ICA1: variants seen among roughly 807,000 people sequenced by gnomAD.
The protein encoded by ICA1 is islet cell autoantigen 1.
ICA1 carries 40 observed loss-of-function variants against 71.0 expected under a neutral mutation model. That is an observed-to-expected ratio of 0.56 (90% CI 0.44 to 0.73). The LOEUF (loss-of-function observed/expected upper bound fraction) is 0.73. Ranked by LOEUF, ICA1 falls within the 30% of genes least tolerant of loss-of-function variation. ICA1 has a pLI of 0.00. For synonymous variants in ICA1, 207 were observed against 209.5 expected, an observed-to-expected ratio of 0.99 and a Z score of 0.10; for missense variants, 578 against 576.5, an observed-to-expected ratio of 1.00 and a Z score of -0.03.
At position 8,232,732 on chromosome 7, in the gene ICA1, T is replaced by A; in HGVS notation, c.41A>T (p.Asp14Val). ...HKCSYPWDLQ[D>V]RYAQDKSVVN... is the part of the protein sequence containing the mutation. ...AACTGACTTATCTTGAGCATATCGA[T>A]CCTGTAAGTCCCAGGGATAACTGCT... Residue 14 changes from aspartate to valine, a missense_variant, in exon 3 of 14, where the codon GAT (aspartate) becomes GTT (valine). By Grantham distance (152) the Asp-to-Val change is radical. Transcript: ENST00000402384. 1 of 1,602,796 alleles carries A rather than the reference T, an allele frequency of 6.2e-7. No individual in the cohort carries two copies. The highest frequency in any genetic ancestry group is 8.5e-7 in the Non-Finnish European group (1 of 1,175,048).
At chr7:8,169,901 A>AGTGTCTGTGTGTGT (rs1554305227) in intron 6 of ICA1, among the ~76,000 whole-genome samples, 19 of 147,196 alleles carry the variant, frequency 1.3e-4, no homozygotes, top group Non-Finnish European at 2.4e-4. Context: ...TTAATGCCTG[A>AGTGTCTGTGTGTGT]GTGTGTGTGT....
At chr7:8,189,562 C>A (rs911234487) in intron 6 of ICA1, among the ~76,000 whole-genome samples, 7 of 152,126 alleles carry the variant, frequency 4.6e-5, no homozygotes, top group African/African-American at 1.4e-4. Flanking sequence ...CAGGTTTTTT[C>A]TTCTTCTTTT....
intron 1 of ICA1, among the ~76,000 whole-genome samples, chr7:8,259,654 T>C (rs1354316897): frequency 6.6e-6 from 1 of 152,190 alleles, no homozygotes; most frequent in African/African-American, 2.4e-5. Flanking sequence ...ATTCCTGTTC[T>C]GTAGATAAGG....
In ICA1 at chr7:8,148,128, A is replaced by T. The variant is rs150210684; in HGVS notation, c.805-4156T>A. On this transcript the variant is annotated intron_variant, in intron 8 of 13. Transcript: ENST00000402384. ...CCACCATCCACCACCCTGAACTGGA[A>T]TAAGCAGTTTGGAAAATGAACAAAT... 6.0e-4 allele frequency among the ~76,000 whole-genome samples: 91 copies of T among 152,352 alleles called. No homozygotes were observed. The Middle Eastern group carries it at 0.014, about 23-fold the overall frequency.
At chr7:8,204,023 A>G (rs1056044013) in intron 6 of ICA1, among the ~76,000 whole-genome samples, 6 of 152,074 alleles carry the variant, frequency 3.9e-5, no homozygotes, top group African/African-American at 1.4e-4. Context: ...CGCCAAACCC[A>G]GAAATGTGAC....
chr7:8,139,196 A>G, intron 10 of ICA1, 149 bp from the exon 11 acceptor site: 1 of 602,060 alleles, frequency 1.7e-6, no homozygotes, highest in East Asian at 2.8e-5. Context: ...ATTACACTGG[A>G]CTCCTGCTAT....
intron 6 of ICA1, among the ~76,000 whole-genome samples, chr7:8,164,886 T>G (rs1454659040): frequency 6.6e-6 from 1 of 152,150 alleles, no homozygotes; most frequent in Admixed American, 6.6e-5. Context: ...AAGACCAGCC[T>G]GGGCAACATG....
chr7:8,179,470 T>C (rs541660368), intron 6 of ICA1, among the ~76,000 whole-genome samples: 4 of 152,248 alleles, frequency 2.6e-5, no homozygotes, highest in Non-Finnish European at 5.9e-5. Flanking sequence ...ATCGGATGAT[T>C]ACTAAAGTGT....
At chr7:8,162,138 G>C (rs1272271214) in intron 6 of ICA1, among the ~76,000 whole-genome samples, 1 of 152,150 alleles carries the variant, frequency 6.6e-6, no homozygotes, top group African/African-American at 2.4e-5. Context: ...GTTACTCATA[G>C]ATTCTCTTAT....
intron 1 of ICA1, among the ~76,000 whole-genome samples, chr7:8,237,762 C>G (rs948488874): frequency 6.6e-6 from 1 of 151,844 alleles, no homozygotes; most frequent in Non-Finnish European, 1.5e-5. Context: ...TAGTATATGA[C>G]AGGACTTCCT....
intron 6 of ICA1, among the ~76,000 whole-genome samples, chr7:8,171,565 A>G (rs1351189174): frequency 6.7e-6 from 1 of 149,670 alleles, no homozygotes; most frequent in East Asian, 2.0e-4. Context: ...AATGTTATTG[A>G]TCTTTTCAAA....
chr7:8,166,703 C>T (rs780991400), intron 6 of ICA1, among the ~76,000 whole-genome samples: 11 of 152,068 alleles, frequency 7.2e-5, no homozygotes, highest in Non-Finnish European at 1.6e-4. Flanking sequence ...AGAAAAAAGA[C>T]AACTTACAGA....
chr7:8,166,359 T>C (rs1409383345), intron 6 of ICA1, among the ~76,000 whole-genome samples: 1 of 152,172 alleles, frequency 6.6e-6, no homozygotes, highest in Admixed American at 6.6e-5. Flanking sequence ...AACCATGTGA[T>C]CTTCAACAAA....
chr7:8,207,064 T>C (rs1163641347), intron 6 of ICA1, among the ~76,000 whole-genome samples: 1 of 152,184 alleles, frequency 6.6e-6, no homozygotes, highest in Non-Finnish European at 1.5e-5. Flanking sequence ...GTTTATATAA[T>C]TAATCTATCT....
At chr7:8,225,593 C>T (rs6463783) in intron 4 of ICA1, among the ~76,000 whole-genome samples, 27,803 of 152,116 alleles carry the variant, frequency 0.18, 6,719 homozygotes, top group African/African-American at 0.56. Context: ...TGCTATGGAG[C>T]GTTAGTGCTT....
intron 6 of ICA1, among the ~76,000 whole-genome samples, chr7:8,161,679 C>A (rs931027946): frequency 6.6e-6 from 1 of 152,044 alleles, no homozygotes; most frequent in Non-Finnish European, 1.5e-5. Flanking sequence ...GAGGAGAGAC[C>A]AGTTGTCCCA....
intron 6 of ICA1, among the ~76,000 whole-genome samples, chr7:8,215,895 T>C (rs1261222025): frequency 6.6e-6 from 1 of 152,172 alleles, no homozygotes; most frequent in East Asian, 1.9e-4. Context: ...GAAACACGTT[T>C]AGGTAACACA....
At chr7:8,261,239 AG>A (rs1235950827) in intron 1 of ICA1, among the ~76,000 whole-genome samples, 4 of 152,190 alleles carry the variant, frequency 2.6e-5, no homozygotes, top group African/African-American at 9.6e-5. Flanking sequence ...CGCCAGAATA[AG>A]GGCGCGATAC....
At chr7:8,151,506 G>A (rs1798788951) in intron 8 of ICA1, among the ~76,000 whole-genome samples, 1 of 152,216 alleles carries the variant, frequency 6.6e-6, no homozygotes, top group Admixed American at 6.5e-5. Context: ...TAAATGCTGT[G>A]TAAAGTAATG....
Sources: gnomAD v4.1 joint callset for allele counts (sites outside exome capture counted in the v4.1 genomes callset) on GRCh38, gnomAD v4.1.1 for gene constraint, MANE v1.5 for transcripts, NCBI Gene and HGNC (gene_info 2026-07-23, HGNC 2026-07-21) for gene names.